Variants in L3MBTL4 observed in about 807,000 individuals in gnomAD.
The protein encoded by L3MBTL4 is L3MBTL histone methyl-lysine binding protein 4.
L3MBTL4 carries 70 observed loss-of-function variants against 84.5 expected under a neutral mutation model. The ratio of observed to expected loss-of-function variants is 0.83; its 90% CI spans 0.68 to 1.01. The LOEUF is 1.01. Among genes scored for constraint, L3MBTL4 ranks in the 50% least tolerant of loss-of-function variants. The pLI, the probability that L3MBTL4 is intolerant of heterozygous loss-of-function variation, is 0.00. For missense variants in L3MBTL4, 715 were observed against 754.8 expected (o/e 0.95, Z 0.62); for synonymous variants, 274 against 259.8 (o/e 1.05, Z -0.52).
In L3MBTL4 at chr18:6,244,478, T is replaced by C; in HGVS notation, c.324+6A>G. ...ATTAGCCCAAGACAGTAACACCACC[T>C]CTTACCTCCGCTACAGAAAGCACAC... On this transcript the variant is annotated splice_donor_region_variant and intron_variant, in intron 6 of 18. Transcript: ENST00000317931. 1 of 1,588,854 alleles carries C rather than the reference T, an allele frequency of 6.3e-7. No homozygotes were observed. The highest frequency in any genetic ancestry group is 8.6e-7 in the Non-Finnish European group (1 of 1,157,164).
chr18:6,390,164 C>CTA (rs58699401), intron 1 of L3MBTL4, among the ~76,000 whole-genome samples: 26 of 151,568 alleles, frequency 1.7e-4, no homozygotes, highest in African/African-American at 4.1e-4. Flanking sequence ...GACTATATAT[C>CTA]TATATATATA....
intron 4 of L3MBTL4, among the ~76,000 whole-genome samples, chr18:6,290,577 G>C (rs2049815656): frequency 6.6e-6 from 1 of 151,496 alleles, no homozygotes; most frequent in South Asian, 2.1e-4. Context: ...ACCCAGGTTG[G>C]AGAGCAGTGG....
chr18:6,070,756 T>C (rs1362049683), intron 16 of L3MBTL4, among the ~76,000 whole-genome samples: 1 of 152,134 alleles, frequency 6.6e-6, no homozygotes, highest in African/African-American at 2.4e-5. Context: ...GAGGATCACT[T>C]GAGCCCCGCA....
At chr18:6,388,515 C>G (rs904490481) in intron 1 of L3MBTL4, among the ~76,000 whole-genome samples, 2 of 151,998 alleles carry the variant, frequency 1.3e-5, no homozygotes, top group African/African-American at 4.8e-5. Context: ...AGAAAACTAC[C>G]AGGTGAGAAA....
intron 10 of L3MBTL4, among the ~76,000 whole-genome samples, chr18:6,218,358 G>C (rs1344188948): frequency 6.6e-6 from 1 of 152,164 alleles, no homozygotes; most frequent in Admixed American, 6.5e-5. Flanking sequence ...CCACATTTCT[G>C]TGTAGATTTT....
chr18:6,042,483 A>G (rs2056448707), intron 16 of L3MBTL4, among the ~76,000 whole-genome samples: 1 of 151,942 alleles, frequency 6.6e-6, no homozygotes, highest in African/African-American at 2.4e-5. Context: ...CCCACCCTCA[A>G]TCACTCAATC....
At chr18:6,339,625 T>A (rs1411497671) in intron 1 of L3MBTL4, among the ~76,000 whole-genome samples, 1 of 151,750 alleles carries the variant, frequency 6.6e-6, no homozygotes, top group Non-Finnish European at 1.5e-5. Flanking sequence ...GGAATGGAAA[T>A]AAAATGCACA....
chr18:6,378,008 C>T (rs2054440805), intron 1 of L3MBTL4, among the ~76,000 whole-genome samples: 1 of 152,184 alleles, frequency 6.6e-6, no homozygotes, highest in South Asian at 2.1e-4. Context: ...TAATGATCGC[C>T]ATTCTAACTG....
intron 4 of L3MBTL4, among the ~76,000 whole-genome samples, chr18:6,295,190 T>C (rs561728130): frequency 2.0e-5 from 3 of 151,806 alleles, no homozygotes; most frequent in Admixed American, 6.6e-5. Flanking sequence ...GAGAATCGTT[T>C]GAACCTGGGA....
intron 4 of L3MBTL4, among the ~76,000 whole-genome samples, chr18:6,284,310 T>C (rs917569019): frequency 9.2e-5 from 14 of 152,184 alleles, no homozygotes; most frequent in African/African-American, 3.4e-4. Flanking sequence ...CACCAATTCC[T>C]ATCTCCTTCC....
At chr18:6,282,889 C>A (rs2049385840) in intron 4 of L3MBTL4, among the ~76,000 whole-genome samples, 1 of 152,086 alleles carries the variant, frequency 6.6e-6, no homozygotes, top group Admixed American at 6.5e-5. Context: ...GAAACAGAAG[C>A]AACAGCCTCC....
At chr18:6,132,364 T>C (rs907354449) in intron 14 of L3MBTL4, among the ~76,000 whole-genome samples, 1 of 152,158 alleles carries the variant, frequency 6.6e-6, no homozygotes, top group Non-Finnish European at 1.5e-5. Context: ...TCTGAGACCC[T>C]GGAATCATGA....
At chr18:6,058,800 C>T (rs775331495) in intron 16 of L3MBTL4, among the ~76,000 whole-genome samples, 10 of 152,128 alleles carry the variant, frequency 6.6e-5, no homozygotes, top group Non-Finnish European at 1.2e-4. Flanking sequence ...TCTTTCAAAG[C>T]CAACATGCAT....
rs1202884431 is a variant in L3MBTL4 at position 6,311,664 on chromosome 18, ACAGGGTTACATAAG to A, written c.-31-22_-31-9del. 1 of 1,547,748 alleles carries A rather than the reference ACAGGGTTACATAAG, an allele frequency of 6.5e-7. No homozygotes were observed. The highest frequency in any genetic ancestry group is 8.9e-7 in the Non-Finnish European group (1 of 1,119,918). ...CTCCTTGGCAGTGGTTTTCTGTAAA[ACAGGGTTACATAAG>A]AAGTTGGGGATGGGGGTGTGACCCC... On this transcript the variant is annotated splice_polypyrimidine_tract_variant and intron_variant, in intron 2 of 18. Coordinates refer to ENST00000317931, the MANE Select transcript of L3MBTL4 (RefSeq NM_001330559.2).
chr18:6,237,445 CTTTTTTTTTTT>C (rs1173599586), intron 10 of L3MBTL4, among the ~76,000 whole-genome samples: 1 of 88,886 alleles, frequency 1.1e-5, no homozygotes, highest in Non-Finnish European at 2.2e-5. Flanking sequence ...CCTAGTACAT[CTTTTTTTTTTT>C]TTTTTTTTTT....
intron 13 of L3MBTL4, among the ~76,000 whole-genome samples, chr18:6,157,100 T>A (rs1014852870): frequency 6.6e-6 from 1 of 152,204 alleles, no homozygotes; most frequent in African/African-American, 2.4e-5. Context: ...GATAAGTCTA[T>A]CATGTAGATC....
Position 6,000,849 on chromosome 18 carries a change from T to G in L3MBTL4, c.1445-31287A>C, listed in dbSNP as rs563414710. Among the ~76,000 whole-genome samples the G allele has an allele frequency of 3.9e-5, 6 of 152,306 alleles. No individual in the cohort carries two copies. The South Asian group carries it at 1.2e-3, about 32-fold the overall frequency. On this transcript the variant is annotated intron_variant, in intron 16 of 18. Transcript: ENST00000317931. ...TCAAAAACAAAGGACAGGAGTGATG[T>G]TAGGGAAGATGGTGGGTAGGAAGTG...
chr18:6,165,262 A>T (rs2043586448), intron 13 of L3MBTL4, among the ~76,000 whole-genome samples: 1 of 152,222 alleles, frequency 6.6e-6, no homozygotes, highest in Non-Finnish European at 1.5e-5. Context: ...ACTCTGCAGG[A>T]TATTATCCAG....
intron 12 of L3MBTL4, among the ~76,000 whole-genome samples, chr18:6,195,386 C>T (rs1406341468): frequency 1.3e-5 from 2 of 152,224 alleles, no homozygotes; most frequent in Non-Finnish European, 2.9e-5. Context: ...TATCCCACTA[C>T]TAGGTACTTG....
Sources: gnomAD v4.1 joint callset for allele counts (sites outside exome capture counted in the v4.1 genomes callset) on GRCh38, gnomAD v4.1.1 for gene constraint, MANE v1.5 for transcripts, NCBI Gene and HGNC (gene_info 2026-07-23, HGNC 2026-07-21) for gene names.